The following CNOT10 variants were observed in gnomAD, a reference collection of about 807,000 sequenced individuals.
The protein encoded by CNOT10 is CCR4-NOT transcription complex subunit 10, also known as CCR4-NOT transcription complex, subunit 10.
Under a neutral mutation model 94.6 loss-of-function variants are expected in CNOT10, and 30 were observed. The observed-to-expected ratio is 0.32, with a 90% CI of 0.24 to 0.43. CNOT10 has a LOEUF of 0.43. Among genes scored for constraint, CNOT10 ranks in the 20% least tolerant of loss-of-function variants. The pLI is 1.00. For synonymous variants in CNOT10, 289 were observed against 301.6 expected, an observed-to-expected ratio of 0.96 and a Z score of 0.43; for missense variants, 759 against 877.2, an observed-to-expected ratio of 0.87 and a Z score of 1.70.
chr3:32,732,874 A>G (rs1379965247), intron 10 of CNOT10, among the ~76,000 whole-genome samples: 2 of 152,154 alleles, frequency 1.3e-5, no homozygotes, highest in Non-Finnish European at 1.5e-5. Flanking sequence ...TTTCAGTTTA[A>G]TGTTTATTCA....
At chr3:32,764,895 A>G (rs963155083) in intron 17 of CNOT10, 86 bp downstream of exon 17, 1 of 1,567,208 alleles carries the variant, frequency 6.4e-7, no homozygotes, top group Admixed American at 1.9e-5. Flanking sequence ...TGTTTGAAGC[A>G]TCTGATCAGT....
chr3:32,747,450 A>T (rs574639321), intron 13 of CNOT10, among the ~76,000 whole-genome samples: 42 of 152,138 alleles, frequency 2.8e-4, no homozygotes, highest in Admixed American at 1.3e-3. Flanking sequence ...AATAAATAAA[A>T]TAAAAATAAT....
chr3:32,759,353 G>C (rs1700348106), intron 13 of CNOT10, 105 bp from the exon 14 acceptor site: 3 of 726,752 alleles, frequency 4.1e-6, no homozygotes, highest in Non-Finnish European at 4.7e-6. Context: ...CTCTTTCCTG[G>C]TGTCCAGATT....
intron 17 of CNOT10, among the ~76,000 whole-genome samples, chr3:32,768,712 G>A (rs2125647557): frequency 6.6e-6 from 1 of 152,274 alleles, no homozygotes; most frequent in East Asian, 1.9e-4. Flanking sequence ...TGTGGCGAGA[G>A]GAATAAAAGC....
rs558434934 is a variant in CNOT10 at position 32,768,192 on chromosome 3, C to A, written c.2005-1695C>A. Among the ~76,000 whole-genome samples the A allele has an allele frequency of 2.8e-4, 42 of 152,122 alleles. 1 individual carries two copies. Among genetic ancestry groups the A allele is most frequent in the Middle Eastern group, 3.4e-3 (1 of 294 alleles). On this transcript the variant is annotated intron_variant, in intron 17 of 18. Transcript: ENST00000328834. The stretch of plus-strand genomic sequence containing the variant: ...TATCATAAAGATGTTGCCTTGAATT[C>A]TTGTATTTTAAAAAAAGCTTCAGAC...
chr3:32,735,554 A>G (rs1018266618), intron 12 of CNOT10, among the ~76,000 whole-genome samples: 3 of 151,968 alleles, frequency 2.0e-5, no homozygotes, highest in Non-Finnish European at 4.4e-5. Flanking sequence ...TAAAAATACA[A>G]AAATTAGCTG....
At chr3:32,711,039 A>G (rs1328396525) in intron 4 of CNOT10, among the ~76,000 whole-genome samples, 1 of 152,148 alleles carries the variant, frequency 6.6e-6, no homozygotes, top group Non-Finnish European at 1.5e-5. Context: ...TCTTCATACA[A>G]CATATGCTAA....
At chr3:32,771,178 T>C (rs1016810214) in intron 18 of CNOT10, among the ~76,000 whole-genome samples, 1 of 151,668 alleles carries the variant, frequency 6.6e-6, no homozygotes, top group Non-Finnish European at 1.5e-5. Context: ...AATACAAAAA[T>C]TAGCTGGGTG....
chr3:32,737,820 C>T (rs964217007), intron 13 of CNOT10, among the ~76,000 whole-genome samples: 1 of 151,698 alleles, frequency 6.6e-6, no homozygotes, highest in African/African-American at 2.4e-5. Context: ...AAAAAAAGAA[C>T]ACATTCTTTT....
intron 17 of CNOT10, among the ~76,000 whole-genome samples, chr3:32,767,467 C>T (rs1700693243): frequency 1.4e-5 from 2 of 139,014 alleles, no homozygotes; most frequent in South Asian, 2.2e-4. Context: ...TGTGGTGAGC[C>T]GAGATCGCGC....
intron 10 of CNOT10, among the ~76,000 whole-genome samples, chr3:32,728,572 C>T (rs547136771): frequency 6.6e-6 from 1 of 151,974 alleles, no homozygotes; most frequent in East Asian, 2.0e-4. Context: ...CAGATAGAGC[C>T]ACTGCACTCC....
chr3:32,729,713 T>C lies in CNOT10; in HGVS notation c.1215+1843T>C, dbSNP rs1330158452. ...TGCTTTTTAAAAGACAACTTTCTTA[T>C]TGGTTAATTCTTAACTGATAAACAG... On this transcript the variant is annotated intron_variant, in intron 10 of 18. Coordinates refer to ENST00000328834, the MANE Select transcript of CNOT10 (RefSeq NM_015442.3). 2.0e-5 allele frequency among the ~76,000 whole-genome samples: 3 copies of C among 152,158 alleles called. 1 individual carries two copies. The highest frequency in any genetic ancestry group is 4.8e-5 in the African/African-American group (2 of 41,426).
chr3:32,740,023 G>A (rs1699388251), intron 13 of CNOT10, among the ~76,000 whole-genome samples: 1 of 152,206 alleles, frequency 6.6e-6, no homozygotes, highest in South Asian at 2.1e-4. Context: ...TTTAAGCCCT[G>A]GAGGTCATGG....
chr3:32,690,771 A>T (rs1575197253), intron 1 of CNOT10, among the ~76,000 whole-genome samples: 3 of 151,304 alleles, frequency 2.0e-5, no homozygotes, highest in Non-Finnish European at 4.4e-5. Context: ...CTGGTCTCTA[A>T]CTCCTGACCT....
At chr3:32,733,295 CA>C in intron 10 of CNOT10, 127 bp from the exon 11 acceptor site, 15 of 660,834 alleles carry the variant, frequency 2.3e-5, no homozygotes, top group South Asian at 6.0e-5. Context: ...CCATTATCAC[CA>C]AAAAAAGTCC....
intron 13 of CNOT10, among the ~76,000 whole-genome samples, chr3:32,759,130 AGTGTGTGTGTGT>A (rs10601347): frequency 6.7e-6 from 1 of 149,524 alleles, no homozygotes; most frequent in African/African-American, 2.5e-5. Flanking sequence ...ATATATATAT[AGTGTGTGTGTGT>A]GTGTGTGTGT....
At chr3:32,755,168 A>G (rs1482799865) in intron 13 of CNOT10, among the ~76,000 whole-genome samples, 1 of 151,228 alleles carries the variant, frequency 6.6e-6, no homozygotes, top group African/African-American at 2.4e-5. Flanking sequence ...ATCACTTGCA[A>G]CCGGGAAGTG....
intron 18 of CNOT10, among the ~76,000 whole-genome samples, chr3:32,772,164 C>G (rs1316524415): frequency 6.6e-6 from 1 of 152,146 alleles, no homozygotes; most frequent in Non-Finnish European, 1.5e-5. Context: ...TCCTGGCTAA[C>G]ATGGTGAAAC....
At chr3:32,757,655 C>G (rs1700279447) in intron 13 of CNOT10, among the ~76,000 whole-genome samples, 1 of 152,214 alleles carries the variant, frequency 6.6e-6, no homozygotes, top group South Asian at 2.1e-4. Flanking sequence ...AGTCACCAGT[C>G]TTGCCACACA....
Sources: gnomAD v4.1 joint callset for allele counts (sites outside exome capture counted in the v4.1 genomes callset) on GRCh38, gnomAD v4.1.1 for gene constraint, MANE v1.5 for transcripts, NCBI Gene and HGNC (gene_info 2026-07-23, HGNC 2026-07-21) for gene names.